The following MPRIP variants were observed in gnomAD, a reference collection of about 807,000 sequenced individuals.
MPRIP encodes myosin phosphatase Rho-interacting protein.
In MPRIP, 59 loss-of-function variants were observed where a neutral mutation model predicts 234.9. That is an observed-to-expected ratio of 0.25 (90% CI 0.20 to 0.31). MPRIP has a LOEUF of 0.31. MPRIP is among the 10% of genes least tolerant of loss of function. The pLI, the probability that MPRIP is intolerant of heterozygous loss-of-function variation, is 1.00. For missense variants in MPRIP, 2,436 were observed against 3,071.0 expected (o/e 0.79, Z 4.89); for synonymous variants, 1,144 against 1,263.9 (o/e 0.91, Z 2.01).
chr17:17,112,804 G>C (rs2090199553), intron 3 of MPRIP, among the ~76,000 whole-genome samples: 1 of 152,222 alleles, frequency 6.6e-6, no homozygotes, highest in Non-Finnish European at 1.5e-5. Context: ...GGGAGGATGA[G>C]GCGGCCCTCA....
chr17:17,112,979 G>A (rs368425143), intron 3 of MPRIP, among the ~76,000 whole-genome samples: 18 of 152,338 alleles, frequency 1.2e-4, no homozygotes, highest in East Asian at 3.9e-4. Context: ...GCGGTCCTCC[G>A]AGCTCAGACA....
intron 9 of MPRIP, among the ~76,000 whole-genome samples, chr17:17,145,468 C>T (rs1017476624): frequency 1.3e-5 from 2 of 152,198 alleles, no homozygotes; most frequent in African/African-American, 2.4e-5. Flanking sequence ...GAGCGCTGTG[C>T]CTGGGCGCTG....
In MPRIP at chr17:17,192,440, G is replaced by C. The variant is rs1461965869; in HGVS notation, c.*7546G>C. ...CTGCTTTTTTTTTGGGGGGGGGGGG[G>C]GGAGGGGCGTCTTGAGGCTTTTTTT... On this transcript the variant is annotated 3_prime_UTR_variant, in exon 24 of 24. Coordinates refer to ENST00000651222, the MANE Select transcript of MPRIP (RefSeq NM_001364716.4). 1 of 113,700 alleles carries C rather than the reference G, an allele frequency of 8.8e-6. No individual in the cohort carries two copies. The highest frequency in any genetic ancestry group is 9.1e-5 in the Admixed American group (1 of 11,044). The allele number at this position is 113,700 out of a possible 1,614,324, so 7.0% of individuals were successfully genotyped here.
chr17:17,045,299 C>T (rs1315386345), intron 1 of MPRIP, among the ~76,000 whole-genome samples: 1 of 152,144 alleles, frequency 6.6e-6, no homozygotes, highest in Non-Finnish European at 1.5e-5. Flanking sequence ...TTCTCTGAGC[C>T]TTTTGGTTTG....
chr17:17,056,379 T>G (rs2088697198), intron 1 of MPRIP, among the ~76,000 whole-genome samples: 2 of 152,200 alleles, frequency 1.3e-5, no homozygotes, highest in Admixed American at 1.3e-4. Context: ...ACGGGCTGTT[T>G]GTCAAGACCA....
intron 1 of MPRIP, among the ~76,000 whole-genome samples, chr17:17,072,256 T>C (rs144911801): frequency 3.7e-4 from 56 of 152,244 alleles, no homozygotes; most frequent in African/African-American, 1.3e-3. Context: ...GCCTTGGGGA[T>C]GAGGACAGGT....
In MPRIP at chr17:17,073,163, C is replaced by T. The variant is rs369742497; in HGVS notation, c.124-2547C>T. On this transcript the variant is annotated intron_variant, in intron 1 of 23. Transcript: ENST00000651222. Reference sequence around the variant, plus strand: ...CACTCTGGAATTGCTTTGATGAACGCTGGGTGGGGTGTCACCTGCATCCCA... The same window carrying T: ...CACTCTGGAATTGCTTTGATGAACGTTGGGTGGGGTGTCACCTGCATCCCA... Among the ~76,000 whole-genome samples, 10 of 152,278 alleles carry T rather than the reference C, an allele frequency of 6.6e-5. No homozygotes were observed. In the East Asian group the frequency reaches 1.9e-3, roughly 29 times the overall value.
intron 3 of MPRIP, among the ~76,000 whole-genome samples, chr17:17,097,796 A>C (rs2089879322): frequency 6.6e-6 from 1 of 151,938 alleles, no homozygotes; most frequent in African/African-American, 2.4e-5. Context: ...CTTTCCTTTC[A>C]ATTTTCCTTT....
intron 18 of MPRIP, 44 bp from the exon 19 acceptor site, chr17:17,173,872 T>C: frequency 1.9e-6 from 3 of 1,612,348 alleles, no homozygotes; most frequent in Non-Finnish European, 1.7e-6. Flanking sequence ...CTGAGAGGCC[T>C]TGTCCAGAAG....
At chr17:17,173,173 G>GT (rs1285805828) in intron 18 of MPRIP, among the ~76,000 whole-genome samples, 8 of 152,274 alleles carry the variant, frequency 5.3e-5, no homozygotes, top group African/African-American at 1.9e-4. Flanking sequence ...CAGGGCAGAA[G>GT]TGAGAACTAG....
intron 1 of MPRIP, among the ~76,000 whole-genome samples, chr17:17,073,762 T>C (rs759679900): frequency 4.6e-5 from 7 of 152,188 alleles, no homozygotes; most frequent in African/African-American, 1.7e-4. Flanking sequence ...CCTTGAGGTT[T>C]GCTGGGCACA....
At chr17:17,089,344 C>A (rs2089662329) in intron 3 of MPRIP, among the ~76,000 whole-genome samples, 1 of 152,214 alleles carries the variant, frequency 6.6e-6, no homozygotes, top group Admixed American at 6.5e-5. Flanking sequence ...CACCTGCCTT[C>A]CTTGGCTCGT....
intron 3 of MPRIP, among the ~76,000 whole-genome samples, chr17:17,108,731 A>G (rs568017842): frequency 2.0e-5 from 3 of 152,240 alleles, no homozygotes; most frequent in Admixed American, 6.5e-5. Context: ...GGTGAATGTT[A>G]TGGGCCTCAC....
At chr17:17,110,031 G>C (rs1258368378) in intron 3 of MPRIP, among the ~76,000 whole-genome samples, 1 of 152,172 alleles carries the variant, frequency 6.6e-6, no homozygotes, top group Non-Finnish European at 1.5e-5. Context: ...GTTGGGAGGC[G>C]TTTGGGTCAT....
intron 1 of MPRIP, among the ~76,000 whole-genome samples, chr17:17,059,383 G>C (rs564990303): frequency 6.6e-6 from 1 of 152,258 alleles, no homozygotes; most frequent in Non-Finnish European, 1.5e-5. Context: ...CCCCAAAAAG[G>C]GCCTCAGGGA....
At chr17:17,158,329 G>A (rs2045777370) in intron 13 of MPRIP, 103 bp from the exon 14 acceptor site, 2 of 934,342 alleles carry the variant, frequency 2.1e-6, no homozygotes, top group Non-Finnish European at 3.2e-6. Context: ...AAAGGATGTG[G>A]TGCTCACAGG....
At chr17:17,048,773 G>T (rs1362663542) in intron 1 of MPRIP, among the ~76,000 whole-genome samples, 3 of 152,286 alleles carry the variant, frequency 2.0e-5, no homozygotes, top group Non-Finnish European at 4.4e-5. Flanking sequence ...CAGTTTGGGG[G>T]TTTCTCAAAA....
At chr17:17,160,833 G>T (rs1024647536) in intron 14 of MPRIP, among the ~76,000 whole-genome samples, 2 of 152,182 alleles carry the variant, frequency 1.3e-5, no homozygotes, top group Non-Finnish European at 2.9e-5. Flanking sequence ...ACCCCATGGG[G>T]TGCTTCCTCC....
intron 3 of MPRIP, among the ~76,000 whole-genome samples, chr17:17,095,471 C>G (rs1253093548): frequency 1.3e-5 from 2 of 152,184 alleles, no homozygotes; most frequent in African/African-American, 4.8e-5. Context: ...AGGTCTTTCT[C>G]TTGGGCTTGT....
Sources: allele counts gnomAD v4.1 joint callset (sites outside exome capture counted in the v4.1 genomes callset), GRCh38; gene constraint gnomAD v4.1.1; transcripts MANE v1.5; gene names NCBI Gene and HGNC (gene_info 2026-07-23, HGNC 2026-07-21).